The following GRIK2 variants were observed in gnomAD, a reference collection of about 807,000 sequenced individuals.
GRIK2 encodes the protein glutamate receptor ionotropic, kainate 2.
Under a neutral mutation model 100.3 loss-of-function variants are expected in GRIK2, and 32 were observed. That is an observed-to-expected ratio of 0.32 (90% CI 0.24 to 0.43). The LOEUF (loss-of-function observed/expected upper bound fraction) is 0.43, where lower values mean the gene tolerates loss of function less well. Ranked by LOEUF, GRIK2 falls within the 20% of genes least tolerant of loss-of-function variation. The pLI is 1.00. For missense variants in GRIK2, 843 were observed against 1,114.9 expected, an observed-to-expected ratio of 0.76 and a Z score of 3.47; for synonymous variants, 417 against 389.4, an observed-to-expected ratio of 1.07 and a Z score of -0.83.
In GRIK2 at chr6:101,943,054, C is replaced by T. The variant is rs76278846; in HGVS notation, c.2085+14422C>T. ...ATGGATTCATGGGCCAGGTCCAGAG[C>T]TCTGCAGCTCTGTGCAGCCTCAGGA... On this transcript the variant is annotated intron_variant, in intron 14 of 16. Transcript: ENST00000369134. 4.8e-3 allele frequency among the ~76,000 whole-genome samples: 733 copies of T among 152,328 alleles called. 5 individuals carry two copies. Among genetic ancestry groups the T allele is most frequent in the Admixed American group, 0.012 (178 of 15,300 alleles).
intron 12 of GRIK2, among the ~76,000 whole-genome samples, chr6:101,906,366 C>CTGTGTGTGTG (rs141112872): frequency 2.3e-4 from 33 of 145,926 alleles, no homozygotes; most frequent in South Asian, 6.6e-4. Flanking sequence ...AAAACAAGAT[C>CTGTGTGTGTG]TGTGTGTGTG....
chr6:101,421,008 C>G (rs1294790510), intron 2 of GRIK2, among the ~76,000 whole-genome samples: 1 of 152,156 alleles, frequency 6.6e-6, no homozygotes, highest in Non-Finnish European at 1.5e-5. Flanking sequence ...CAGGACACAG[C>G]ACTGTCAAAC....
At chr6:101,990,421 A>G (rs1002898195) in intron 14 of GRIK2, among the ~76,000 whole-genome samples, 1 of 151,632 alleles carries the variant, frequency 6.6e-6, no homozygotes, top group Non-Finnish European at 1.5e-5. Context: ...GCCTCTATGT[A>G]CTATATCTCT....
At chr6:101,824,794 A>G (rs1162634075) in intron 10 of GRIK2, among the ~76,000 whole-genome samples, 1 of 152,192 alleles carries the variant, frequency 6.6e-6, no homozygotes, top group East Asian at 1.9e-4. Flanking sequence ...AAGGTATTAC[A>G]GTATCCACTT....
intron 2 of GRIK2, among the ~76,000 whole-genome samples, chr6:101,464,722 G>T (rs1460908416): frequency 6.6e-6 from 1 of 151,330 alleles, no homozygotes; most frequent in Non-Finnish European, 1.5e-5. Flanking sequence ...GGGTTTCACC[G>T]TGTTAGCCAG....
intron 2 of GRIK2, among the ~76,000 whole-genome samples, chr6:101,582,966 C>T (rs1029771936): frequency 1.3e-5 from 2 of 152,102 alleles, no homozygotes; most frequent in African/African-American, 4.8e-5. Context: ...TTCTCTCAAA[C>T]AGTACAGATT....
intron 7 of GRIK2, among the ~76,000 whole-genome samples, chr6:101,784,974 T>A (rs1441200204): frequency 6.6e-6 from 1 of 152,188 alleles, no homozygotes; most frequent in Non-Finnish European, 1.5e-5. Context: ...TGTTATTGTC[T>A]TTTTGTTTAA....
intron 14 of GRIK2, among the ~76,000 whole-genome samples, chr6:102,030,835 C>T (rs555992465): frequency 1.5e-3 from 229 of 151,008 alleles, no homozygotes; most frequent in African/African-American, 5.2e-3. Flanking sequence ...TCAAAATCTA[C>T]ATTTTTAGCT....
intron 14 of GRIK2, among the ~76,000 whole-genome samples, chr6:102,012,460 G>A (rs1287865375): frequency 6.6e-6 from 1 of 151,918 alleles, no homozygotes; most frequent in Non-Finnish European, 1.5e-5. Flanking sequence ...TCACAATATT[G>A]AGTCTTCCTA....
At position 101,893,598 on chromosome 6, in the gene GRIK2, C is replaced by T. The variant is rs973655802; in HGVS notation, c.1748+3735C>T. On this transcript the variant is annotated intron_variant, in intron 12 of 16. Coordinates refer to ENST00000369134, the MANE Select transcript of GRIK2 (RefSeq NM_021956.5). Reference sequence around the variant, plus strand: ...CTGCTATATCTTCTTAGCTACCAAACCACACCTTTGATTGGTTTTGTTTCC... The same window carrying T: ...CTGCTATATCTTCTTAGCTACCAAATCACACCTTTGATTGGTTTTGTTTCC... Among the ~76,000 whole-genome samples the T allele has an allele frequency of 9.2e-5, 14 of 151,746 alleles. 1 individual carries two copies. Among genetic ancestry groups the T allele is most frequent in the Non-Finnish European group, 2.1e-4 (14 of 67,720 alleles).
At chr6:101,456,896 T>C (rs1771039535) in intron 2 of GRIK2, among the ~76,000 whole-genome samples, 1 of 152,226 alleles carries the variant, frequency 6.6e-6, no homozygotes, top group African/African-American at 2.4e-5. Flanking sequence ...AGACAAGCAA[T>C]ACTAGAGGAC....
chr6:101,952,341 G>A (rs1449304914), intron 14 of GRIK2, among the ~76,000 whole-genome samples: 3 of 152,154 alleles, frequency 2.0e-5, no homozygotes, highest in African/African-American at 7.2e-5. Flanking sequence ...AAGTACAACT[G>A]GGTTGTTTTG....
At chr6:101,466,594 TA>T (rs3057462) in intron 2 of GRIK2, among the ~76,000 whole-genome samples, 6,266 of 142,596 alleles carry the variant, frequency 0.044, 165 homozygotes, top group South Asian at 0.099. Context: ...TGCTTTTTTC[TA>T]AAAAAAAAAA....
chr6:101,503,496 C>G (rs1347572961), intron 2 of GRIK2, among the ~76,000 whole-genome samples: 1 of 152,010 alleles, frequency 6.6e-6, no homozygotes, highest in East Asian at 1.9e-4. Flanking sequence ...AGTGATTAAC[C>G]GAAAAAAGCA....
chr6:101,702,054 G>T (rs1254929666), intron 7 of GRIK2, among the ~76,000 whole-genome samples: 1 of 9,364 alleles, frequency 1.1e-4, no homozygotes, highest in Non-Finnish European at 2.0e-4. Context: ...CCGTGGTTTG[G>T]TATTCTTATT....
At chr6:102,020,256 C>T (rs76903913) in intron 14 of GRIK2, among the ~76,000 whole-genome samples, 166 of 151,468 alleles carry the variant, frequency 1.1e-3, no homozygotes, top group African/African-American at 3.7e-3. Flanking sequence ...AAAAAAAAAT[C>T]AGTGATACAT....
At chr6:101,504,498 C>T (rs1773922067) in intron 2 of GRIK2, among the ~76,000 whole-genome samples, 2 of 151,138 alleles carry the variant, frequency 1.3e-5, no homozygotes, top group South Asian at 4.2e-4. Flanking sequence ...AGAAAATTTC[C>T]TATTCAATGT....
At chr6:101,434,357 G>A (rs562782149) in intron 2 of GRIK2, among the ~76,000 whole-genome samples, 1 of 152,262 alleles carries the variant, frequency 6.6e-6, no homozygotes, top group South Asian at 2.1e-4. Context: ...AGGCAAACTC[G>A]AAATAGTGGA....
chr6:101,792,597 C>G (rs1293886115), intron 7 of GRIK2, among the ~76,000 whole-genome samples: 2 of 152,076 alleles, frequency 1.3e-5, no homozygotes, highest in East Asian at 3.9e-4. Flanking sequence ...TGATGGGCTT[C>G]CCTTTGAGGG....
Sources: gnomAD v4.1 joint callset for allele counts (sites outside exome capture counted in the v4.1 genomes callset) on GRCh38, gnomAD v4.1.1 for gene constraint, MANE v1.5 for transcripts, NCBI Gene and HGNC (gene_info 2026-07-23, HGNC 2026-07-21) for gene names.